The following TDRD12 variants were observed in gnomAD, a reference collection of about 807,000 sequenced individuals.
The protein encoded by TDRD12 is tudor domain containing 12.
TDRD12 carries 158 observed loss-of-function variants against 133.5 expected under a neutral mutation model. That is an observed-to-expected ratio of 1.18 (90% CI 1.04 to 1.35). The LOEUF (loss-of-function observed/expected upper bound fraction) is 1.35, where lower values mean the gene tolerates loss of function less well. TDRD12 is among the 40% of genes most tolerant of loss of function. The pLI is 0.00. For missense variants in TDRD12, 1,443 were observed against 1,321.3 expected, an observed-to-expected ratio of 1.09 and a Z score of -1.43; for synonymous variants, 460 against 477.9, an observed-to-expected ratio of 0.96 and a Z score of 0.49.
At chr19:32,761,024 A>C (rs1044889770) in intron 8 of TDRD12, among the ~76,000 whole-genome samples, 1 of 152,262 alleles carries the variant, frequency 6.6e-6, no homozygotes, top group Non-Finnish European at 1.5e-5. Context: ...TATTGTGATC[A>C]TATAACTCCC....
At chr19:32,782,532 G>A (rs1014446990) in intron 11 of TDRD12, among the ~76,000 whole-genome samples, 6 of 152,138 alleles carry the variant, frequency 3.9e-5, no homozygotes, top group African/African-American at 1.4e-4. Flanking sequence ...GATCCTTGAG[G>A]AATCACCACA....
chr19:32,761,607 G>A (rs8103603), intron 8 of TDRD12, among the ~76,000 whole-genome samples: 88,802 of 152,000 alleles, frequency 0.58, 26,770 homozygotes, highest in East Asian at 0.82. Flanking sequence ...CTCTAATGAC[G>A]TAGGATGTGA....
At chr19:32,805,717 TA>T (rs1392579901) in intron 21 of TDRD12, among the ~76,000 whole-genome samples, 14 of 151,082 alleles carry the variant, frequency 9.3e-5, no homozygotes, top group Non-Finnish European at 1.8e-4. Flanking sequence ...ACATACACTT[TA>T]TTTTTTTTAT....
At chr19:32,764,945 A>G (rs1448257933) in intron 8 of TDRD12, among the ~76,000 whole-genome samples, 19 of 148,942 alleles carry the variant, frequency 1.3e-4, no homozygotes, top group East Asian at 3.9e-4. Context: ...ATCAGAGTGA[A>G]CAGGCAACCT....
chr19:32,798,426 C>CAATG lies in TDRD12; in HGVS notation c.1752_1755dup (p.Gln586Ter). On this transcript the variant is annotated frameshift_variant, in exon 16 of 28. Coordinates refer to ENST00000444215, the Ensembl canonical transcript of TDRD12. LOFTEE classifies it high-confidence loss of function. The stretch of plus-strand genomic sequence containing the variant: ...AGGTAGAGGTGCTATTCTTGGAAGC[C>CAATG]AATGAACAGGTGAGCGTGGCTTAAG... 6.5e-7 allele frequency: 1 copy of CAATG among 1,534,526 alleles called. No homozygotes were observed. The highest frequency in any genetic ancestry group is 8.7e-7 in the Non-Finnish European group (1 of 1,145,724).
chr19:32,826,009 A>G, downstream of TDRD12: 2 of 905,378 alleles, frequency 2.2e-6, no homozygotes, highest in Non-Finnish European at 3.3e-6. Flanking sequence ...GACGTTGCAT[A>G]AGGTACAAAA....
chr19:32,786,296 T>G (rs999443914), intron 11 of TDRD12, among the ~76,000 whole-genome samples: 3 of 152,214 alleles, frequency 2.0e-5, no homozygotes, highest in African/African-American at 7.2e-5. Flanking sequence ...AGAGATCCAC[T>G]GTTAGTCTGC....
chr19:32,791,040 C>T (rs1393869811), exon 13 of TDRD12: 21 of 1,536,084 alleles, frequency 1.4e-5, no homozygotes, highest in African/African-American at 6.9e-5. Context: ...ACCATTGACT[C>T]GTCGCCGCTG....
intron 11 of TDRD12, among the ~76,000 whole-genome samples, chr19:32,781,686 T>TC (rs1970770577): frequency 6.8e-6 from 1 of 147,790 alleles, no homozygotes; most frequent in East Asian, 2.1e-4. Context: ...CTCCTTTCCT[T>TC]TTCTCTCTCT....
intron 4 of TDRD12, among the ~76,000 whole-genome samples, chr19:32,746,066 G>A (rs1020760760): frequency 5.1e-4 from 75 of 146,800 alleles, no homozygotes; most frequent in Admixed American, 8.8e-4. Flanking sequence ...GAGTCTGGCT[G>A]ATGTGGTTAT....
intron 1 of TDRD12, among the ~76,000 whole-genome samples, chr19:32,728,811 ATT>A (rs34126241): frequency 0.054 from 6,243 of 115,902 alleles, 213 homozygotes; most frequent in African/African-American, 0.12. Flanking sequence ...ACACCTGGCT[ATT>A]TTTTTTTTTT....
chr19:32,819,745 G>A (rs982403845), intron 27 of TDRD12, among the ~76,000 whole-genome samples: 13 of 152,192 alleles, frequency 8.5e-5, no homozygotes, highest in African/African-American at 7.2e-5. Context: ...AGGGAATGGC[G>A]AGAATATTTC....
At position 32,818,002 on chromosome 19, in the gene TDRD12, C is replaced by T. The variant is rs879158521; in HGVS notation, c.3315-87C>T. ...AAAAAAAAGTGTTTTTACCCATGCA[C>T]TCCAAGCTCTGTCCTCTACTGTCCC... On this transcript the variant is annotated intron_variant, in intron 26 of 27. Coordinates refer to ENST00000444215, the Ensembl canonical transcript of TDRD12. The T allele has an allele frequency of 4.3e-6, 3 of 696,312 alleles. No homozygotes were observed. In the South Asian group the frequency reaches 4.5e-5, roughly 10 times the overall value. 43.1% of individuals were successfully genotyped at this position (696,312 alleles called of 1,614,324 possible). A position where few individuals can be genotyped will look rare whatever the true frequency, so the allele number is the denominator to read the frequency against.
chr19:32,827,856 G>T (rs1212552239), exon 10 of TDRD12: 1 of 152,196 alleles, frequency 6.6e-6, no homozygotes, highest in East Asian at 1.9e-4. Flanking sequence ...TGTCTGTCCT[G>T]TCTGGCGCCT....
At chr19:32,787,827 C>T (rs895611654) in intron 11 of TDRD12, among the ~76,000 whole-genome samples, 26 of 152,140 alleles carry the variant, frequency 1.7e-4, no homozygotes, top group African/African-American at 5.1e-4. Flanking sequence ...GTATACTGCT[C>T]CTCCAGGTAC....
At chr19:32,756,789 TA>T (rs1380378710) in intron 7 of TDRD12, among the ~76,000 whole-genome samples, 1 of 151,966 alleles carries the variant, frequency 6.6e-6, no homozygotes, top group African/African-American at 2.4e-5. Context: ...TAGACACCTT[TA>T]AAAAAAAGAG....
At chr19:32,731,051 G>T (rs927565179) in intron 1 of TDRD12, among the ~76,000 whole-genome samples, 2 of 152,090 alleles carry the variant, frequency 1.3e-5, no homozygotes, top group Admixed American at 1.3e-4. Context: ...CTTTATATTT[G>T]TGTCTTTAAC....
chr19:32,785,882 C>G (rs1273020843), intron 11 of TDRD12, among the ~76,000 whole-genome samples: 1 of 152,060 alleles, frequency 6.6e-6, no homozygotes, highest in Non-Finnish European at 1.5e-5. Context: ...ACTCTTTATC[C>G]AATTTGCCAG....
At chr19:32,752,549 G>C (rs994434246) in intron 6 of TDRD12, among the ~76,000 whole-genome samples, 3 of 151,922 alleles carry the variant, frequency 2.0e-5, no homozygotes, top group Non-Finnish European at 4.4e-5. Context: ...TTAATTATTC[G>C]ATAATTTGTA....
Sources: gnomAD v4.1 joint callset for allele counts (sites outside exome capture counted in the v4.1 genomes callset) on GRCh38, gnomAD v4.1.1 for gene constraint, MANE v1.5 for transcripts, NCBI Gene and HGNC (gene_info 2026-07-23, HGNC 2026-07-21) for gene names.